OPCML: variants seen among roughly 807,000 people sequenced by gnomAD.
The protein encoded by OPCML is opioid binding protein/cell adhesion molecule like.
Under a neutral mutation model 37.8 loss-of-function variants are expected in OPCML, and 13 were observed. The observed-to-expected ratio is 0.34, with a 90% CI of 0.22 to 0.55. The LOEUF is 0.55. Ranked by LOEUF, OPCML falls within the 20% of genes least tolerant of loss-of-function variation. The pLI, the probability that OPCML is intolerant of heterozygous loss-of-function variation, is 0.91. For missense variants in OPCML, 341 were observed against 435.6 expected (o/e 0.78, Z 1.93); for synonymous variants, 176 against 168.8 (o/e 1.04, Z -0.33).
At chr11:133,024,861 T>G in intron 1 of OPCML, 1 of 985,444 alleles carries the variant, frequency 1.0e-6, no homozygotes, top group African/African-American at 1.7e-5. Flanking sequence ...TTCATGTCCC[T>G]TCTATGCCAG....
rs1244737243 is a variant in OPCML, at chr11:132,943,936, G to C, written c.62-926C>G. Among the ~76,000 whole-genome samples, 2 of 151,968 alleles carry C rather than the reference G, an allele frequency of 1.3e-5. No homozygotes were observed. Among genetic ancestry groups the C allele is most frequent in the African/African-American group, 4.8e-5 (2 of 41,552 alleles). On this transcript the variant is annotated intron_variant, in intron 1 of 7. Coordinates refer to ENST00000524381, the MANE Select transcript of OPCML (RefSeq NM_001012393.5). This position sits in a 1 kb window ranked among gnomAD's most constrained non-coding sequence, Gnocchi z 4.3. ...ACGCGCGCGGGCCCGGACCGCCGGGGTTGTCATGGCAGCAGCTCCATCCCT... is the reference window on the plus strand; with the variant it reads ...ACGCGCGCGGGCCCGGACCGCCGGGCTTGTCATGGCAGCAGCTCCATCCCT...
At chr11:133,178,775 A>G (rs1473936681) in intron 1 of OPCML, among the ~76,000 whole-genome samples, 1 of 152,176 alleles carries the variant, frequency 6.6e-6, no homozygotes, top group African/African-American at 2.4e-5. Context: ...GCTTTAATTC[A>G]TAGTTTGGGG....
intron 2 of OPCML, among the ~76,000 whole-genome samples, chr11:132,847,145 G>A (rs950818010): frequency 1.3e-5 from 2 of 152,080 alleles, no homozygotes; most frequent in Non-Finnish European, 2.9e-5. Flanking sequence ...TAAGATCATC[G>A]ACCCGTGACA....
intron 3 of OPCML, among the ~76,000 whole-genome samples, chr11:132,621,554 C>T (rs1939410886): frequency 6.6e-6 from 1 of 152,084 alleles, no homozygotes; most frequent in African/African-American, 2.4e-5. Context: ...AAATGAGTAC[C>T]TCCTAGATGA....
intron 1 of OPCML, among the ~76,000 whole-genome samples, chr11:132,958,403 T>C (rs1946015063): frequency 6.6e-6 from 1 of 152,198 alleles, no homozygotes; most frequent in Non-Finnish European, 1.5e-5. Context: ...AAGTACAAGA[T>C]GAAGCAGCAG....
chr11:133,063,860 C>T (rs559426708), intron 1 of OPCML, among the ~76,000 whole-genome samples: 24 of 152,274 alleles, frequency 1.6e-4, no homozygotes, highest in African/African-American at 5.8e-4. Flanking sequence ...CTGAGCCCAG[C>T]CCCGGTTGGT....
intron 1 of OPCML, among the ~76,000 whole-genome samples, chr11:132,967,337 C>T (rs565999042): frequency 7.9e-5 from 12 of 152,114 alleles, no homozygotes; most frequent in African/African-American, 2.9e-4. Flanking sequence ...CATATTACAA[C>T]TGTATTGTTA....
chr11:132,424,983 A>G (rs928105422), intron 7 of OPCML, among the ~76,000 whole-genome samples: 2 of 152,214 alleles, frequency 1.3e-5, no homozygotes, highest in Non-Finnish European at 2.9e-5. Flanking sequence ...AGGGCTCTGG[A>G]GGATGTGGGG....
At chr11:133,240,839 G>T (rs1940703928) in intron 1 of OPCML, among the ~76,000 whole-genome samples, 1 of 152,178 alleles carries the variant, frequency 6.6e-6, no homozygotes, top group African/African-American at 2.4e-5. Flanking sequence ...GAACTAGAAA[G>T]TCTCTCAAAT....
chr11:133,138,367 G>A (rs1394786567), intron 1 of OPCML, among the ~76,000 whole-genome samples: 8 of 152,200 alleles, frequency 5.3e-5, no homozygotes, highest in African/African-American at 1.4e-4. Context: ...AACACTAAAC[G>A]GATTAAGACA....
chr11:132,798,950 C>T (rs916752708), intron 2 of OPCML, among the ~76,000 whole-genome samples: 1 of 152,144 alleles, frequency 6.6e-6, no homozygotes, highest in African/African-American at 2.4e-5. Flanking sequence ...TGCAGTCAAT[C>T]GTACTGTAAA....
chr11:132,421,611 T>A (rs2095959432), intron 7 of OPCML, among the ~76,000 whole-genome samples: 1 of 152,228 alleles, frequency 6.6e-6, no homozygotes, highest in African/African-American at 2.4e-5. Flanking sequence ...TACCTTTTCT[T>A]TCTACTTAAA....
chr11:133,385,464 G>A (rs924548385), intron 1 of OPCML, among the ~76,000 whole-genome samples: 5 of 152,110 alleles, frequency 3.3e-5, no homozygotes, highest in African/African-American at 9.7e-5. Flanking sequence ...TTGGTCGTCC[G>A]GCAGACAAGA....
intron 1 of OPCML, among the ~76,000 whole-genome samples, chr11:133,254,488 A>G (rs908274898): frequency 6.6e-6 from 1 of 152,172 alleles, no homozygotes; most frequent in Non-Finnish European, 1.5e-5. Flanking sequence ...TCAACCCGGG[A>G]AGGCAAAAGA....
At position 132,943,632 on chromosome 11, in the gene OPCML, G is replaced by A; in HGVS notation, c.62-622C>T. Reference sequence around the variant, plus strand: ...TACGTGTCCCCCAGCCCCAGGTCTCGCATCTGGAACCCCAAGGCGGCAAAA... The same window carrying A: ...TACGTGTCCCCCAGCCCCAGGTCTCACATCTGGAACCCCAAGGCGGCAAAA... On this transcript the variant is annotated intron_variant, in intron 1 of 7. Coordinates refer to ENST00000524381, the MANE Select transcript of OPCML (RefSeq NM_001012393.5). This position sits in a 1 kb window ranked among gnomAD's most constrained non-coding sequence, Gnocchi z 4.3. 6.5e-6 allele frequency: 1 copy of A among 154,170 alleles called. No individual in the cohort carries two copies. The highest frequency in any genetic ancestry group is 1.4e-5 in the Non-Finnish European group (1 of 69,446). 9.6% of individuals were successfully genotyped at this position (154,170 alleles called of 1,614,324 possible).
intron 1 of OPCML, chr11:133,118,455 A>C (rs530729285): frequency 1.0e-6 from 1 of 979,842 alleles, no homozygotes; most frequent in South Asian, 4.7e-5. Flanking sequence ...AGTGGACTGA[A>C]AACTGGAAAG....
chr11:132,529,216 T>G, intron 3 of OPCML, 30 bp from the exon 4 acceptor site: 1 of 1,581,244 alleles, frequency 6.3e-7, no homozygotes, highest in Non-Finnish European at 8.6e-7. Context: ...AAGAAATACC[T>G]GAGAATAATT....
chr11:132,814,739 C>T (rs749866553), intron 2 of OPCML, among the ~76,000 whole-genome samples: 2 of 152,146 alleles, frequency 1.3e-5, no homozygotes, highest in South Asian at 4.1e-4. Flanking sequence ...TCACACATAG[C>T]CTCATGGAGT....
chr11:132,813,022 CT>C, intron 2 of OPCML, among the ~76,000 whole-genome samples: 1 of 152,280 alleles, frequency 6.6e-6, no homozygotes, highest in African/African-American at 2.4e-5. Context: ...AACTTATAAA[CT>C]TTCAAGTTAA....
Sources: allele counts gnomAD v4.1 joint callset (sites outside exome capture counted in the v4.1 genomes callset), GRCh38; gene constraint gnomAD v4.1.1; non-coding constraint Gnocchi (gnomAD v3.1); transcripts MANE v1.5; gene names NCBI Gene and HGNC (gene_info 2026-07-23, HGNC 2026-07-21).